Variants in TNNI3K observed in about 807,000 individuals in gnomAD.
TNNI3K encodes the protein serine/threonine-protein kinase TNNI3K.
Under a neutral mutation model 114.5 loss-of-function variants are expected in TNNI3K, and 140 were observed. The ratio of observed to expected loss-of-function variants is 1.22; its 90% CI spans 1.07 to 1.41. The LOEUF (loss-of-function observed/expected upper bound fraction) is 1.41. Among genes scored for constraint, TNNI3K ranks in the 40% most tolerant of loss-of-function variants. The probability of loss-of-function intolerance (pLI) is 0.00; values close to 1 mark genes in which losing one functional copy is unlikely to be tolerated. For missense variants in TNNI3K, 1,125 were observed against 1,007.6 expected (o/e 1.12, Z -1.58); for synonymous variants, 347 against 347.5 (o/e 1.00, Z 0.02).
At chr1:74,417,685 TGTGTGTGTGTGTGTG>T (rs1665188112) in intron 17 of TNNI3K, among the ~76,000 whole-genome samples, 2 of 1,620 alleles carry the variant, frequency 1.2e-3, no homozygotes, top group African/African-American at 3.7e-3. Flanking sequence ...TACGTGTTTG[TGTGTGTGTGTGTGTG>T]TGTGTGTGTG....
intron 23 of TNNI3K, among the ~76,000 whole-genome samples, chr1:74,529,599 A>G (rs776577211): frequency 2.6e-5 from 4 of 152,194 alleles, no homozygotes; most frequent in Non-Finnish European, 5.9e-5. Context: ...GAAGAATCAA[A>G]TGATTGTATT....
intron 2 of TNNI3K, among the ~76,000 whole-genome samples, chr1:74,247,825 C>T (rs1654674711): frequency 6.6e-6 from 1 of 152,224 alleles, no homozygotes; most frequent in African/African-American, 2.4e-5. Flanking sequence ...ACTCAGGAGC[C>T]CAGCTGACTT....
At chr1:74,305,390 C>G (rs571115295) in intron 5 of TNNI3K, among the ~76,000 whole-genome samples, 2 of 152,302 alleles carry the variant, frequency 1.3e-5, no homozygotes, top group Non-Finnish European at 2.9e-5. Flanking sequence ...GGAACCAGTA[C>G]TGAGCTGGGA....
At chr1:74,454,906 T>C (rs557796715) in intron 20 of TNNI3K, among the ~76,000 whole-genome samples, 2 of 152,140 alleles carry the variant, frequency 1.3e-5, no homozygotes, top group Non-Finnish European at 2.9e-5. Context: ...ATGGACATAA[T>C]AATAAGACCT....
chr1:74,371,884 G>T (rs1662625975), intron 17 of TNNI3K: 1 of 151,650 alleles, frequency 6.6e-6, no homozygotes, highest in Non-Finnish European at 1.5e-5. Flanking sequence ...ACTAGTGAGG[G>T]AGTTGTTGCA....
chr1:74,438,203 G>A (rs756300386), intron 19 of TNNI3K, among the ~76,000 whole-genome samples: 24 of 151,656 alleles, frequency 1.6e-4, no homozygotes, highest in African/African-American at 3.9e-4. Flanking sequence ...GTGCAAAAAC[G>A]GGCATACTGT....
intron 20 of TNNI3K, among the ~76,000 whole-genome samples, chr1:74,446,520 G>C (rs1161047417): frequency 6.9e-6 from 1 of 145,814 alleles, no homozygotes; most frequent in East Asian, 2.0e-4. Context: ...AGTTTCTTTT[G>C]CTGTGCAGAA....
intron 5 of TNNI3K, among the ~76,000 whole-genome samples, chr1:74,311,745 G>A (rs1025841541): frequency 1.3e-5 from 2 of 152,044 alleles, no homozygotes; most frequent in Non-Finnish European, 2.9e-5. Context: ...TGAAATTTTA[G>A]CCTGTTTGAG....
At chr1:74,467,239 T>C (rs954532205) in intron 21 of TNNI3K, among the ~76,000 whole-genome samples, 3 of 152,212 alleles carry the variant, frequency 2.0e-5, no homozygotes, top group African/African-American at 7.2e-5. Flanking sequence ...GTTAAATCTC[T>C]GTATCAGGCA....
intron 11 of TNNI3K, among the ~76,000 whole-genome samples, chr1:74,357,240 A>G (rs1557518150): frequency 6.6e-6 from 1 of 152,194 alleles, no homozygotes; most frequent in Admixed American, 6.5e-5. Flanking sequence ...TGGCCCCATC[A>G]TGGTTTACCA....
At chr1:74,378,641 T>TATAAAATATATATA (rs1663044515) in intron 17 of TNNI3K, 3 of 123,280 alleles carry the variant, frequency 2.4e-5, no homozygotes, top group African/African-American at 6.1e-5. Context: ...TATATATATA[T>TATAAAATATATATA]TTCATTTCAT....
chr1:74,446,522 T>A (rs1452626393), intron 20 of TNNI3K, among the ~76,000 whole-genome samples: 1 of 146,896 alleles, frequency 6.8e-6, no homozygotes, highest in Non-Finnish European at 1.5e-5. Context: ...TTTCTTTTGC[T>A]GTGCAGAAGC....
intron 5 of TNNI3K, among the ~76,000 whole-genome samples, chr1:74,309,839 A>G (rs961196678): frequency 1.3e-5 from 2 of 152,178 alleles, no homozygotes; most frequent in Admixed American, 6.5e-5. Flanking sequence ...ATGACAAACT[A>G]TTACCCAACA....
intron 17 of TNNI3K, among the ~76,000 whole-genome samples, chr1:74,379,329 ACG>A (rs1435019055): frequency 1.8e-4 from 6 of 33,204 alleles, no homozygotes; most frequent in Admixed American, 1.3e-3. Flanking sequence ...ACACACATAC[ACG>A]CGCGCACACA....
intron 5 of TNNI3K, among the ~76,000 whole-genome samples, chr1:74,325,409 G>T (rs1659843057): frequency 6.6e-6 from 1 of 152,178 alleles, no homozygotes; most frequent in African/African-American, 2.4e-5. Context: ...CCAGGAGATT[G>T]TCATACATGG....
intron 7 of TNNI3K, among the ~76,000 whole-genome samples, chr1:74,339,584 A>G (rs1023342343): frequency 6.6e-5 from 10 of 152,150 alleles, no homozygotes; most frequent in African/African-American, 2.4e-4. Flanking sequence ...CCATGGTAAC[A>G]GAATGTCACA....
At chr1:74,261,926 A>G (rs188079995) in intron 4 of TNNI3K, among the ~76,000 whole-genome samples, 42 of 152,268 alleles carry the variant, frequency 2.8e-4, no homozygotes, top group African/African-American at 7.2e-4. Context: ...GAAAAATCGA[A>G]TTAAACCTAT....
intron 23 of TNNI3K, among the ~76,000 whole-genome samples, chr1:74,500,066 CTAAT>C (rs1346849661): frequency 4.6e-5 from 7 of 151,480 alleles, no homozygotes; most frequent in Non-Finnish European, 7.4e-5. Context: ...TTTAAAATAA[CTAAT>C]TATATTTTTA....
At chr1:74,461,063 A>T (rs1399538679) in intron 20 of TNNI3K, among the ~76,000 whole-genome samples, 1 of 150,906 alleles carries the variant, frequency 6.6e-6, no homozygotes, top group African/African-American at 2.5e-5. Flanking sequence ...ATGTACTTAC[A>T]GCTACACCAG....
Sources: gnomAD v4.1 joint callset for allele counts (sites outside exome capture counted in the v4.1 genomes callset) on GRCh38, gnomAD v4.1.1 for gene constraint, MANE v1.5 for transcripts, NCBI Gene and HGNC (gene_info 2026-07-23, HGNC 2026-07-21) for gene names.